PPP4R4: variants seen among roughly 807,000 people sequenced by gnomAD.
PPP4R4 encodes the protein serine/threonine-protein phosphatase 4 regulatory subunit 4.
A neutral mutation model predicts 121.8 loss-of-function variants in PPP4R4; 70 were observed. That is an observed-to-expected ratio of 0.57 (90% CI 0.47 to 0.70). PPP4R4 has a LOEUF of 0.70. Among genes scored for constraint, PPP4R4 ranks in the 30% least tolerant of loss-of-function variants. PPP4R4 has a pLI of 0.00. For missense variants in PPP4R4, 875 were observed against 1,033.6 expected (o/e 0.85, Z 2.10); for synonymous variants, 348 against 355.7 (o/e 0.98, Z 0.24).
At chr14:94,221,750 CTG>C (rs760352286) in intron 3 of PPP4R4, among the ~76,000 whole-genome samples, 1 of 152,074 alleles carries the variant, frequency 6.6e-6, no homozygotes, top group Non-Finnish European at 1.5e-5. Flanking sequence ...CTCCCTTACA[CTG>C]TTGGTGGGAA....
intron 16 of PPP4R4, among the ~76,000 whole-genome samples, chr14:94,255,582 C>A (rs1893424745): frequency 1.3e-5 from 2 of 148,892 alleles, no homozygotes; most frequent in South Asian, 2.1e-4. Context: ...GCCTGGGCGA[C>A]AGAGCAAGAC....
At position 94,275,518 on chromosome 14, in the gene PPP4R4, C is replaced by T; in HGVS notation, c.2594C>T (p.Thr865Ile). The change falls in exon 24 of 25, where the codon ACC becomes ATC. Residue 865 changes from threonine to isoleucine, a missense_variant. Physicochemically the swap from Thr to Ile is moderately conservative, Grantham distance 89 (BLOSUM62 -1). Coordinates refer to ENST00000304338, the MANE Select transcript of PPP4R4 (RefSeq NM_058237.2). ...GSKDTQPRKA[T>I]LKSRKSNP The stretch of plus-strand genomic sequence containing the variant: ...AAAGATACACAACCACGGAAGGCTA[C>T]CTTGTAAGTAATCAAGTGATGTCAG... 1 of 1,613,966 alleles carries T rather than the reference C, an allele frequency of 6.2e-7. No homozygotes were observed. Among genetic ancestry groups the T allele is most frequent in the Non-Finnish European group, 8.5e-7 (1 of 1,179,904 alleles).
chr14:94,209,612 T>C (rs1890637725), intron 3 of PPP4R4, among the ~76,000 whole-genome samples: 1 of 152,078 alleles, frequency 6.6e-6, no homozygotes, highest in Non-Finnish European at 1.5e-5. Flanking sequence ...TATCTGTTTT[T>C]CCCAGAATCA....
intron 3 of PPP4R4, among the ~76,000 whole-genome samples, chr14:94,212,806 G>T (rs767318138): frequency 6.6e-6 from 1 of 152,050 alleles, no homozygotes; most frequent in Non-Finnish European, 1.5e-5. Flanking sequence ...TTATACCATG[G>T]TCTTTTATAA....
At chr14:94,271,238 C>T (rs1298367403) in intron 23 of PPP4R4, among the ~76,000 whole-genome samples, 1 of 152,132 alleles carries the variant, frequency 6.6e-6, no homozygotes, top group Non-Finnish European at 1.5e-5. Flanking sequence ...ACCAACATCT[C>T]TCAAGATCAC....
chr14:94,208,322 A>T (rs1012812129), intron 2 of PPP4R4, 142 bp from the exon 3 acceptor site: 1 of 480,980 alleles, frequency 2.1e-6, no homozygotes, highest in African/African-American at 2.0e-5. Flanking sequence ...TATCTAAATG[A>T]TGTATTTCTG....
Position 94,174,418 on chromosome 14 carries a change from G to A in PPP4R4, c.-48G>A. 5 of 1,437,668 alleles carry A rather than the reference G, an allele frequency of 3.5e-6. No individual in the cohort carries two copies. Among genetic ancestry groups the A allele is most frequent in the Non-Finnish European group, 4.6e-6 (5 of 1,094,256 alleles). The allele number at this position is 1,437,668 out of a possible 1,614,324, so 89.1% of individuals were successfully genotyped here. On this transcript the variant is annotated 5_prime_UTR_variant, in exon 1 of 25. Coordinates refer to ENST00000304338, the MANE Select transcript of PPP4R4 (RefSeq NM_058237.2). ...GCGGCCGCGGGGCTGAGGGCGTCCG[G>A]CATCCCGGGGCCGCTCCGGCCCGGG...
intron 3 of PPP4R4, chr14:94,227,197 G>A: frequency 9.9e-7 from 1 of 1,011,614 alleles, no homozygotes; most frequent in Non-Finnish European, 1.5e-6. Flanking sequence ...TGGGATGCCA[G>A]CCGTACAATA....
rs1294853535 is a variant in PPP4R4 at position 94,174,593 on chromosome 14, G to A, written c.117+11G>A. The A allele has an allele frequency of 5.6e-6, 9 of 1,610,146 alleles. No homozygotes were observed. In the Admixed American group the frequency reaches 1.5e-4, roughly 27 times the overall value. On this transcript the variant is annotated intron_variant, in intron 1 of 24. Transcript: ENST00000304338. ...CGCCGGAGCCTCAAGGTGCGCCCCG[G>A]GGAGAGGACCTGCCCTCACGGCGTC...
At chr14:94,214,607 G>A (rs1890927540) in intron 3 of PPP4R4, among the ~76,000 whole-genome samples, 1 of 151,844 alleles carries the variant, frequency 6.6e-6, no homozygotes, top group South Asian at 2.1e-4. Flanking sequence ...TCCTGTATAT[G>A]GGTAGATTTT....
At chr14:94,269,449 G>A (rs1439195120) in intron 23 of PPP4R4, among the ~76,000 whole-genome samples, 1 of 152,030 alleles carries the variant, frequency 6.6e-6, no homozygotes, top group Non-Finnish European at 1.5e-5. Flanking sequence ...GCTGAGGTGG[G>A]CAGATCATGA....
intron 3 of PPP4R4, among the ~76,000 whole-genome samples, chr14:94,218,402 C>CA (rs1891154747): frequency 8.4e-6 from 1 of 118,828 alleles, no homozygotes; most frequent in African/African-American, 3.3e-5. Flanking sequence ...CACACACACA[C>CA]CTCCTCACCC....
intron 2 of PPP4R4, among the ~76,000 whole-genome samples, chr14:94,207,583 A>T (rs1890524553): frequency 6.6e-6 from 1 of 151,972 alleles, no homozygotes; most frequent in Non-Finnish European, 1.5e-5. Context: ...TCTAATCAAT[A>T]AGTAAATATT....
intron 24 of PPP4R4, among the ~76,000 whole-genome samples, chr14:94,276,454 C>T (rs529946088): frequency 3.3e-5 from 5 of 152,268 alleles, no homozygotes; most frequent in South Asian, 2.1e-4. Context: ...GGAAGCATAG[C>T]GGCATCTGCT....
rs573333572 is a variant in PPP4R4 at position 94,212,774 on chromosome 14, G to A, written c.294+4208G>A. Among the ~76,000 whole-genome samples the A allele has an allele frequency of 2.6e-5, 4 of 152,154 alleles. No individual in the cohort carries two copies. In the East Asian group the frequency reaches 7.7e-4, roughly 29 times the overall value. The stretch of plus-strand genomic sequence containing the variant: ...TATCTAGAAGTGAAAGAATTTGATT[G>A]TCAAGATAAATATCCAAAATATTAT... On this transcript the variant is annotated intron_variant, in intron 3 of 24. Coordinates refer to ENST00000304338, the MANE Select transcript of PPP4R4 (RefSeq NM_058237.2).
At chr14:94,224,380 A>G (rs953850281) in intron 3 of PPP4R4, among the ~76,000 whole-genome samples, 1 of 152,192 alleles carries the variant, frequency 6.6e-6, no homozygotes, top group Non-Finnish European at 1.5e-5. Context: ...GGTGAGGATC[A>G]CTTGGAATCT....
intron 23 of PPP4R4, among the ~76,000 whole-genome samples, chr14:94,271,569 C>A (rs1451854168): frequency 6.6e-6 from 1 of 152,140 alleles, no homozygotes; most frequent in Non-Finnish European, 1.5e-5. Flanking sequence ...AGTGAGGAAC[C>A]AGAAGCATTC....
At chr14:94,195,022 A>C (rs1207586603) in intron 2 of PPP4R4, among the ~76,000 whole-genome samples, 1 of 152,166 alleles carries the variant, frequency 6.6e-6, no homozygotes, top group Admixed American at 6.5e-5. Context: ...TAACATCATT[A>C]TGAGGAGCCC....
intron 2 of PPP4R4, among the ~76,000 whole-genome samples, chr14:94,183,484 G>A (rs1027754294): frequency 6.6e-6 from 1 of 152,174 alleles, no homozygotes; most frequent in Non-Finnish European, 1.5e-5. Flanking sequence ...TTTTGGAAAA[G>A]TACGAGGTCT....
Sources: gnomAD v4.1 joint callset for allele counts (sites outside exome capture counted in the v4.1 genomes callset) on GRCh38, gnomAD v4.1.1 for gene constraint, MANE v1.5 for transcripts, NCBI Gene and HGNC (gene_info 2026-07-23, HGNC 2026-07-21) for gene names.